CNTN4: variants seen among roughly 807,000 people sequenced by gnomAD.
The protein encoded by CNTN4 is contactin 4.
Under a neutral mutation model 122.5 loss-of-function variants are expected in CNTN4, and 77 were observed. That is an observed-to-expected ratio of 0.63 (90% CI 0.52 to 0.76). The LOEUF (loss-of-function observed/expected upper bound fraction) is 0.76, where lower values mean the gene tolerates loss of function less well. Among genes scored for constraint, CNTN4 ranks in the 30% least tolerant of loss-of-function variants. CNTN4 has a pLI of 0.00. For synonymous variants in CNTN4, 512 were observed against 447.0 expected (o/e 1.15, Z -1.83); for missense variants, 1,256 against 1,259.1 (o/e 1.00, Z 0.04).
At chr3:2,577,597 G>A (rs2079751281) in intron 4 of CNTN4, among the ~76,000 whole-genome samples, 1 of 152,124 alleles carries the variant, frequency 6.6e-6, no homozygotes, top group South Asian at 2.1e-4. Context: ...AATTCTATCT[G>A]TACACATGGT....
In CNTN4 at chr3:2,988,335, T is replaced by A. The variant is rs1466351535; in HGVS notation, c.1359-10T>A. ...TTTCACCATTTTTGGTTCATTTACT[T>A]TGATTTCAGAATTACCATTTCTGAA... On this transcript the variant is annotated splice_polypyrimidine_tract_variant and intron_variant, in intron 13 of 24. Coordinates refer to ENST00000418658, the MANE Select transcript of CNTN4 (RefSeq NM_175607.3). 32 of 1,613,514 alleles carry A rather than the reference T, an allele frequency of 2.0e-5. No individual in the cohort carries two copies. Among genetic ancestry groups the A allele is most frequent in the Non-Finnish European group, 2.6e-5 (31 of 1,179,576 alleles).
chr3:2,246,332 A>G (rs2040146990), intron 2 of CNTN4, among the ~76,000 whole-genome samples: 1 of 152,026 alleles, frequency 6.6e-6, no homozygotes, highest in South Asian at 2.1e-4. Flanking sequence ...TGGGCTAGCA[A>G]TTGTGGGGAT....
At chr3:2,913,247 A>G (rs2094320350) in intron 12 of CNTN4, among the ~76,000 whole-genome samples, 1 of 152,222 alleles carries the variant, frequency 6.6e-6, no homozygotes. Context: ...GAAAGGGTAA[A>G]CACAAAAGCT....
intron 4 of CNTN4, among the ~76,000 whole-genome samples, chr3:2,667,049 A>C (rs1406782824): frequency 1.3e-5 from 2 of 152,096 alleles, no homozygotes; most frequent in African/African-American, 2.4e-5. Context: ...CTCAATAAAC[A>C]TATGTGTGCA....
At chr3:2,260,966 A>G (rs7621291) in intron 2 of CNTN4, among the ~76,000 whole-genome samples, 29 of 152,132 alleles carry the variant, frequency 1.9e-4, no homozygotes, top group African/African-American at 6.5e-4. Context: ...CCTTGCCTCA[A>G]GTGATCTGCC....
chr3:2,180,970 C>T (rs1457156765), intron 2 of CNTN4, among the ~76,000 whole-genome samples: 2 of 152,028 alleles, frequency 1.3e-5, no homozygotes, highest in Non-Finnish European at 2.9e-5. Flanking sequence ...GGTTGCTACT[C>T]ATGATTAGAC....
intron 6 of CNTN4, among the ~76,000 whole-genome samples, chr3:2,812,643 C>T (rs1489488573): frequency 6.6e-6 from 1 of 151,884 alleles, no homozygotes; most frequent in Non-Finnish European, 1.5e-5. Flanking sequence ...TGGAAGTTCT[C>T]CCAGTGAGTC....
intron 4 of CNTN4, among the ~76,000 whole-genome samples, chr3:2,623,564 A>G (rs1490282838): frequency 6.6e-6 from 1 of 152,202 alleles, no homozygotes; most frequent in Non-Finnish European, 1.5e-5. Flanking sequence ...GATGAATGCT[A>G]GTTCCCAAAG....
At position 2,801,713 on chromosome 3, in the gene CNTN4, G is replaced by T. The variant is rs192197779; in HGVS notation, c.359-17773G>T. ...TCTGTCAGACAGTGAGGTAGGTTTT[G>T]GGAGCCTAGGAAATATGAGATGTTG... On this transcript the variant is annotated intron_variant, in intron 6 of 24. Transcript: ENST00000418658. Among the ~76,000 whole-genome samples the T allele has an allele frequency of 2.7e-3, 407 of 150,772 alleles. 1 individual carries two copies. Among genetic ancestry groups the T allele is most frequent in the African/African-American group, 9.9e-3 (398 of 40,160 alleles).
chr3:2,897,530 A>T (rs959114034), intron 10 of CNTN4, among the ~76,000 whole-genome samples: 5 of 152,016 alleles, frequency 3.3e-5, no homozygotes, highest in Admixed American at 3.3e-4. Context: ...CAGGTTGAGT[A>T]TCTCTTACCT....
At chr3:2,673,744 A>T (rs531151734) in intron 4 of CNTN4, among the ~76,000 whole-genome samples, 1 of 151,930 alleles carries the variant, frequency 6.6e-6, no homozygotes, top group Admixed American at 6.6e-5. Context: ...GGGTTTCACC[A>T]TGTTAGCCAG....
intron 2 of CNTN4, among the ~76,000 whole-genome samples, chr3:2,323,659 C>T (rs1291673549): frequency 6.6e-6 from 1 of 152,032 alleles, no homozygotes; most frequent in African/African-American, 2.4e-5. Context: ...TTCTTTTTTC[C>T]TGGCAGAATT....
chr3:2,295,565 A>G (rs1040200967), intron 2 of CNTN4, among the ~76,000 whole-genome samples: 3 of 151,970 alleles, frequency 2.0e-5, no homozygotes, highest in Non-Finnish European at 2.9e-5. Flanking sequence ...TTTATTCTAG[A>G]TTCTGGATAT....
intron 3 of CNTN4, among the ~76,000 whole-genome samples, chr3:2,402,699 A>G (rs754512688): frequency 1.3e-5 from 2 of 151,878 alleles, no homozygotes; most frequent in Admixed American, 6.6e-5. Flanking sequence ...CTTTATCCCA[A>G]CTCTGATTTT....
intron 6 of CNTN4, among the ~76,000 whole-genome samples, chr3:2,772,027 CT>C (rs1168217551): frequency 6.6e-6 from 1 of 152,094 alleles, no homozygotes; most frequent in Admixed American, 6.5e-5. Context: ...CAAATATGAA[CT>C]GGAGAGTGGG....
intron 2 of CNTN4, among the ~76,000 whole-genome samples, chr3:2,207,574 G>GAT (rs1559342678): frequency 6.6e-6 from 1 of 152,020 alleles, no homozygotes; most frequent in Non-Finnish European, 1.5e-5. Context: ...AGCCAGGAAC[G>GAT]AAGTGTCTAA....
intron 3 of CNTN4, among the ~76,000 whole-genome samples, chr3:2,339,470 TC>T (rs1365729200): frequency 2.6e-5 from 4 of 152,226 alleles, no homozygotes; most frequent in Non-Finnish European, 2.9e-5. Context: ...AGGTAGGTTT[TC>T]TGTAGTTTAG....
At chr3:2,161,858 C>T (rs760953640) in intron 2 of CNTN4, among the ~76,000 whole-genome samples, 19 of 152,178 alleles carry the variant, frequency 1.2e-4, no homozygotes, top group East Asian at 9.7e-4. Context: ...TGTTCTTCCA[C>T]GACAGTAATC....
chr3:2,992,463 G>A (rs745360197), intron 14 of CNTN4, among the ~76,000 whole-genome samples: 15 of 152,078 alleles, frequency 9.9e-5, no homozygotes, highest in Non-Finnish European at 1.9e-4. Context: ...CTCTACAGAG[G>A]GCAGGGTACA....
Sources: gnomAD v4.1 joint callset for allele counts (sites outside exome capture counted in the v4.1 genomes callset) on GRCh38, gnomAD v4.1.1 for gene constraint, MANE v1.5 for transcripts, NCBI Gene and HGNC (gene_info 2026-07-23, HGNC 2026-07-21) for gene names.